OPCML: variants seen among roughly 807,000 people sequenced by gnomAD.
The protein encoded by OPCML is opioid-binding protein/cell adhesion molecule.
A neutral mutation model predicts 37.8 loss-of-function variants in OPCML; 13 were observed. That is an observed-to-expected ratio of 0.34 (90% CI 0.22 to 0.55). The LOEUF is 0.55. Ranked by LOEUF, OPCML falls within the 20% of genes least tolerant of loss-of-function variation. OPCML has a pLI of 0.91. For missense variants in OPCML, 341 were observed against 435.6 expected (o/e 0.78, Z 1.93); for synonymous variants, 176 against 168.8 (o/e 1.04, Z -0.33).
chr11:133,411,917 C>T (rs143378919), intron 1 of OPCML, among the ~76,000 whole-genome samples: 5 of 152,130 alleles, frequency 3.3e-5, no homozygotes, highest in Non-Finnish European at 7.3e-5. Context: ...GGCTTCCCCC[C>T]ACACGTTGAC....
chr11:132,781,601 T>TACAG (rs1555188058), intron 2 of OPCML, among the ~76,000 whole-genome samples: 49 of 146,396 alleles, frequency 3.3e-4, no homozygotes, highest in Non-Finnish European at 6.0e-4. Flanking sequence ...CACATATACA[T>TACAG]ACACACACAC....
chr11:132,686,567 C>T (rs569729038), intron 2 of OPCML, among the ~76,000 whole-genome samples: 12 of 152,274 alleles, frequency 7.9e-5, no homozygotes, highest in Non-Finnish European at 1.3e-4. Flanking sequence ...CAGTTTATGG[C>T]CAGCACATGG....
At chr11:133,517,176 G>A (rs1209025939) in intron 1 of OPCML, among the ~76,000 whole-genome samples, 1 of 152,190 alleles carries the variant, frequency 6.6e-6, no homozygotes, top group Non-Finnish European at 1.5e-5. Flanking sequence ...GTGATACACG[G>A]ATGTGAAAGG....
chr11:132,552,510 G>A (rs2096384145), intron 3 of OPCML, among the ~76,000 whole-genome samples: 1 of 152,004 alleles, frequency 6.6e-6, no homozygotes, highest in Admixed American at 6.5e-5. Context: ...TGTTTGTTTT[G>A]TTTGACGTTT....
chr11:133,202,768 G>A (rs567872857), intron 1 of OPCML, among the ~76,000 whole-genome samples: 1 of 152,208 alleles, frequency 6.6e-6, no homozygotes, highest in Non-Finnish European at 1.5e-5. Flanking sequence ...CCAGCCAAGG[G>A]ATCCTGCCAG....
chr11:133,311,119 T>C (rs904990161), intron 1 of OPCML, among the ~76,000 whole-genome samples: 2 of 152,216 alleles, frequency 1.3e-5, no homozygotes, highest in Non-Finnish European at 2.9e-5. Context: ...ATCACTGTTG[T>C]GTTAGTTACT....
At chr11:132,642,520 T>G (rs1391898581) in intron 3 of OPCML, among the ~76,000 whole-genome samples, 1 of 152,220 alleles carries the variant, frequency 6.6e-6, no homozygotes, top group Admixed American at 6.5e-5. Flanking sequence ...TTATCAAAAC[T>G]TATGATGCCA....
intron 2 of OPCML, among the ~76,000 whole-genome samples, chr11:132,929,093 A>C (rs1945098443): frequency 6.6e-6 from 1 of 151,792 alleles, no homozygotes; most frequent in African/African-American, 2.4e-5. Flanking sequence ...GAAGAAAGAA[A>C]ATAATAAATA....
chr11:133,433,187 GC>G (rs1946160583), intron 1 of OPCML, among the ~76,000 whole-genome samples: 2 of 146,494 alleles, frequency 1.4e-5, no homozygotes, highest in Admixed American at 1.3e-4. Flanking sequence ...GGGAGGCGGA[GC>G]TTGCAGTGAG....
At chr11:132,682,477 C>T (rs1291994889) in intron 2 of OPCML, among the ~76,000 whole-genome samples, 1 of 152,200 alleles carries the variant, frequency 6.6e-6, no homozygotes, top group African/African-American at 2.4e-5. Flanking sequence ...CTCTTTCAAA[C>T]CCTTGCTAAA....
chr11:133,408,381 A>G (rs1242523975), intron 1 of OPCML, among the ~76,000 whole-genome samples: 1 of 152,266 alleles, frequency 6.6e-6, no homozygotes, highest in Admixed American at 6.5e-5. Context: ...ACTACCACCA[A>G]GTTCTAAAAC....
At chr11:132,884,929 A>G (rs1245435327) in intron 2 of OPCML, among the ~76,000 whole-genome samples, 1 of 152,208 alleles carries the variant, frequency 6.6e-6, no homozygotes, top group East Asian at 1.9e-4. Context: ...AGTTACATAG[A>G]GGTGCACCTG....
intron 2 of OPCML, among the ~76,000 whole-genome samples, chr11:132,767,215 T>C (rs1946474569): frequency 6.6e-6 from 1 of 152,216 alleles, no homozygotes; most frequent in African/African-American, 2.4e-5. Context: ...ATATGTAGAC[T>C]ATTTACAGTT....
intron 1 of OPCML, among the ~76,000 whole-genome samples, chr11:133,511,804 G>A (rs1948166282): frequency 6.6e-6 from 1 of 151,482 alleles, no homozygotes; most frequent in Non-Finnish European, 1.5e-5. Flanking sequence ...TTCTCCACTA[G>A]TATGTAAGCT....
chr11:133,466,646 C>T (rs1946983937), intron 1 of OPCML, among the ~76,000 whole-genome samples: 1 of 152,240 alleles, frequency 6.6e-6, no homozygotes, highest in Admixed American at 6.5e-5. Flanking sequence ...ATACCAGCCA[C>T]ATCTTTTTTC....
intron 1 of OPCML, among the ~76,000 whole-genome samples, chr11:132,996,618 CAAA>C (rs11285711): frequency 1.5e-4 from 19 of 123,364 alleles, no homozygotes; most frequent in Non-Finnish European, 1.7e-4. Flanking sequence ...GGCTCCATCT[CAAA>C]AAAAAAAAAA....
At chr11:133,265,059 C>G (rs370808592) in intron 1 of OPCML, among the ~76,000 whole-genome samples, 1 of 152,026 alleles carries the variant, frequency 6.6e-6, no homozygotes, top group South Asian at 2.1e-4. Flanking sequence ...TGGAGTGGGA[C>G]AGTGAAATGG....
chr11:132,505,921 T>C (rs2508936), intron 4 of OPCML, among the ~76,000 whole-genome samples: 26,971 of 151,644 alleles, frequency 0.18, 3,249 homozygotes, highest in East Asian at 0.62. Flanking sequence ...GTGTGCCTAA[T>C]AACAGACTTA....
intron 7 of OPCML, chr11:132,435,038 A>T (rs1253614576): frequency 2.0e-6 from 1 of 498,114 alleles, no homozygotes; most frequent in African/African-American, 2.0e-5. Flanking sequence ...CTTGAGGTCT[A>T]TCTACCTCAG....
Sources: allele counts gnomAD v4.1 joint callset (sites outside exome capture counted in the v4.1 genomes callset), GRCh38; gene constraint gnomAD v4.1.1; transcripts MANE v1.5; gene names NCBI Gene and HGNC (gene_info 2026-07-23, HGNC 2026-07-21).